Variants in PPP1R12A observed in about 807,000 individuals in gnomAD.
The protein encoded by PPP1R12A is protein phosphatase 1 regulatory subunit 12A, also known as myosin binding subunit.
In PPP1R12A, 19 loss-of-function variants were observed where a neutral mutation model predicts 139.6. The observed-to-expected ratio is 0.14, with a 90% CI of 0.09 to 0.20. The LOEUF is 0.20. Ranked by LOEUF, PPP1R12A falls within the 10% of genes least tolerant of loss-of-function variation. The pLI is 1.00. For missense variants in PPP1R12A, 925 were observed against 1,211.5 expected, an observed-to-expected ratio of 0.76 and a Z score of 3.51; for synonymous variants, 427 against 420.6, an observed-to-expected ratio of 1.02 and a Z score of -0.19.
chr12:79,858,573 A>T (rs993598289), intron 2 of PPP1R12A, among the ~76,000 whole-genome samples: 3 of 152,232 alleles, frequency 2.0e-5, no homozygotes, highest in African/African-American at 7.2e-5. Flanking sequence ...GAGTTGCCTA[A>T]CTCCTGAGCC....
intron 24 of PPP1R12A, among the ~76,000 whole-genome samples, chr12:79,776,525 T>G (rs1245021113): frequency 1.3e-5 from 2 of 152,130 alleles, no homozygotes; most frequent in Non-Finnish European, 2.9e-5. Context: ...TAGCTCAGTT[T>G]AAAATGCCTA....
At chr12:79,892,356 A>T (rs1401239448) in intron 1 of PPP1R12A, among the ~76,000 whole-genome samples, 1 of 152,194 alleles carries the variant, frequency 6.6e-6, no homozygotes, top group East Asian at 1.9e-4. Flanking sequence ...ATTGTCTGAT[A>T]ATGTGGCAGT....
chr12:79,817,578 G>A, intron 8 of PPP1R12A, 60 bp from the exon 9 acceptor site: 1 of 1,432,302 alleles, frequency 7.0e-7, no homozygotes, highest in African/African-American at 1.4e-5. Context: ...CAATGGCTGG[G>A]AAAAAATCAT....
chr12:79,855,888 A>G (rs1488860495), intron 2 of PPP1R12A, among the ~76,000 whole-genome samples: 1 of 152,012 alleles, frequency 6.6e-6, no homozygotes, highest in Non-Finnish European at 1.5e-5. Flanking sequence ...TTTTTATATG[A>G]CTGAAATTAT....
chr12:79,866,609 C>T (rs1217168802), intron 2 of PPP1R12A, among the ~76,000 whole-genome samples: 1 of 151,698 alleles, frequency 6.6e-6, no homozygotes, highest in African/African-American at 2.4e-5. Flanking sequence ...CTACAAAGAA[C>T]TTAAATTTAC....
chr12:79,870,852 TACA>T (rs772684419), intron 2 of PPP1R12A, among the ~76,000 whole-genome samples: 1 of 152,212 alleles, frequency 6.6e-6, no homozygotes, highest in Non-Finnish European at 1.5e-5. Flanking sequence ...TTTTCCTAGC[TACA>T]ACATGGACAA....
intron 1 of PPP1R12A, among the ~76,000 whole-genome samples, chr12:79,907,913 G>C (rs1311020407): frequency 1.3e-5 from 2 of 152,246 alleles, no homozygotes; most frequent in Non-Finnish European, 2.9e-5. Flanking sequence ...ATTAATCTAT[G>C]TATCTATGTT....
intron 14 of PPP1R12A, among the ~76,000 whole-genome samples, chr12:79,802,937 G>C (rs1017971843): frequency 7.2e-5 from 11 of 152,112 alleles, no homozygotes; most frequent in African/African-American, 2.7e-4. Flanking sequence ...ATTGACACTT[G>C]GCTCTTTTTT....
chr12:79,896,609 G>A (rs9651929), intron 1 of PPP1R12A, among the ~76,000 whole-genome samples: 12,662 of 152,166 alleles, frequency 0.083, 854 homozygotes, highest in African/African-American at 0.18. Flanking sequence ...CTGAGATTAA[G>A]GCGTAAGCCA....
intron 10 of PPP1R12A, among the ~76,000 whole-genome samples, chr12:79,808,819 T>C (rs750746622): frequency 3.9e-5 from 6 of 152,070 alleles, no homozygotes; most frequent in Non-Finnish European, 7.4e-5. Context: ...AGGAAAAAAA[T>C]TTCTCCAGAT....
chr12:79,904,308 A>G (rs1045255926), intron 1 of PPP1R12A, among the ~76,000 whole-genome samples: 1 of 152,056 alleles, frequency 6.6e-6, no homozygotes, highest in East Asian at 1.9e-4. Flanking sequence ...ATTAAACAGA[A>G]AAAAATGTTC....
At chr12:79,874,135 G>C (rs1013720224) in intron 1 of PPP1R12A, among the ~76,000 whole-genome samples, 2 of 151,930 alleles carry the variant, frequency 1.3e-5, no homozygotes, top group Non-Finnish European at 1.5e-5. Flanking sequence ...AATTAGCCAG[G>C]CATGGTGGAG....
chr12:79,779,557 T>C (rs1195750397), intron 23 of PPP1R12A: 1 of 367,372 alleles, frequency 2.7e-6, no homozygotes, highest in Admixed American at 3.5e-5. Flanking sequence ...AACATCGGCA[T>C]GCCTAAACAT....
chr12:79,857,333 C>A (rs1208995621), intron 2 of PPP1R12A, among the ~76,000 whole-genome samples: 1 of 141,970 alleles, frequency 7.0e-6, no homozygotes, highest in Non-Finnish European at 1.5e-5. Flanking sequence ...ATCGCAAGGA[C>A]AAAAAACCAA....
intron 1 of PPP1R12A, among the ~76,000 whole-genome samples, chr12:79,904,565 C>A (rs1178858853): frequency 6.6e-6 from 1 of 152,154 alleles, no homozygotes; most frequent in Non-Finnish European, 1.5e-5. Context: ...TTAACAAGCT[C>A]TGAAGAGGAA....
At chr12:79,783,256 A>T (rs923301761) in intron 22 of PPP1R12A, among the ~76,000 whole-genome samples, 9 of 150,620 alleles carry the variant, frequency 6.0e-5, no homozygotes, top group African/African-American at 2.2e-4. Flanking sequence ...CCAGGAGTTC[A>T]AGACCAGCCT....
intron 1 of PPP1R12A, among the ~76,000 whole-genome samples, chr12:79,903,450 C>CAAAA (rs35870019): frequency 7.5e-6 from 1 of 134,042 alleles, no homozygotes; most frequent in Non-Finnish European, 1.7e-5. Flanking sequence ...GACTCCATCT[C>CAAAA]AAAAAAAAAA....
intron 21 of PPP1R12A, chr12:79,787,853 A>G (rs1234821494): frequency 1.3e-5 from 2 of 152,186 alleles, no homozygotes; most frequent in Non-Finnish European, 2.9e-5. Flanking sequence ...CTTTTATAAA[A>G]TTGCTTTTCT....
At chr12:79,911,169 T>C (rs1332198753) in intron 1 of PPP1R12A, among the ~76,000 whole-genome samples, 1 of 152,182 alleles carries the variant, frequency 6.6e-6, no homozygotes, top group East Asian at 1.9e-4. Context: ...AGTTTACACT[T>C]TCAGGCTTGC....
Sources: gnomAD v4.1 joint callset for allele counts (sites outside exome capture counted in the v4.1 genomes callset) on GRCh38, gnomAD v4.1.1 for gene constraint, MANE v1.5 for transcripts, NCBI Gene and HGNC (gene_info 2026-07-23, HGNC 2026-07-21) for gene names.